Variants in OGA observed in about 807,000 individuals in gnomAD.
OGA encodes the protein O-GlcNAcase, also known as protein O-GlcNAcase.
A neutral mutation model predicts 102.0 loss-of-function variants in OGA; 21 were observed. The ratio of observed to expected loss-of-function variants is 0.21; its 90% CI spans 0.15 to 0.30. OGA has a LOEUF of 0.30. Ranked by LOEUF, OGA falls within the 10% of genes least tolerant of loss-of-function variation. The pLI is 1.00. For synonymous variants in OGA, 408 were observed against 378.2 expected (o/e 1.08, Z -0.91); for missense variants, 765 against 1,107.8 (o/e 0.69, Z 4.39).
At chr10:101,810,053 AAAAC>A (rs1288799241) in intron 4 of OGA, 127 bp downstream of exon 4, 97 of 1,029,998 alleles carry the variant, frequency 9.4e-5, no homozygotes, top group South Asian at 4.6e-4. Flanking sequence ...CTCAAAAAAC[AAAAC>A]AAACAAACAA....
In OGA at chr10:101,817,995, A is replaced by G; in HGVS notation, c.28T>C (p.Leu10=). 6.2e-7 allele frequency: 1 copy of G among 1,603,302 alleles called. No homozygotes were observed. Among genetic ancestry groups the G allele is most frequent in the Non-Finnish European group, 8.5e-7 (1 of 1,172,652 alleles). Residue 10 remains leucine, a synonymous_variant, in exon 1 of 16, where the codon TTG becomes CTG. Transcript: ENST00000361464. The stretch of plus-strand genomic sequence containing the variant: ...CTGAGCTCGCTCTCCCGCTCCTCCA[A>G]CGTCGCTTGACTCTCCTTCTGCACC... MVQKESQAT[L]EERESELSSN...
In OGA at chr10:101,800,143, G is replaced by C. The variant is rs933711004; in HGVS notation, c.1195+99C>G. ...CTGCCTCGGCCTCCCAAAGTGCTGA[G>C]ATTACAGGTGTGAGCCACCACACCC... On this transcript the variant is annotated intron_variant, in intron 8 of 15. Transcript: ENST00000361464. The C allele has an allele frequency of 1.3e-5, 17 of 1,348,876 alleles. No individual in the cohort carries two copies. The Admixed American group carries it at 2.0e-4, about 16-fold the overall frequency. The allele number at this position is 1,348,876 out of a possible 1,614,324, so 83.6% of individuals were successfully genotyped here.
chr10:101,800,564 T>C (rs2305192), intron 7 of OGA, among the ~76,000 whole-genome samples, 164 bp from the exon 8 acceptor site: 43,845 of 152,008 alleles, frequency 0.29, 6,775 homozygotes, highest in Non-Finnish European at 0.35. Context: ...AGCAAGACCC[T>C]TCACCAAACC....
intron 4 of OGA, among the ~76,000 whole-genome samples, chr10:101,809,150 G>A (rs959572920): frequency 8.5e-5 from 13 of 152,076 alleles, no homozygotes; most frequent in African/African-American, 3.1e-4. Context: ...TGTCTAATAG[G>A]TAAAACCCTG....
intron 10 of OGA, among the ~76,000 whole-genome samples, chr10:101,794,351 T>C (rs1337401298): frequency 6.6e-6 from 1 of 152,194 alleles, no homozygotes; most frequent in African/African-American, 2.4e-5. Context: ...TTAACTAAAA[T>C]GACTGATAAT....
At chr10:101,807,940 AT>A in intron 4 of OGA, 39 bp from the exon 5 acceptor site, 1 of 1,442,094 alleles carries the variant, frequency 6.9e-7, no homozygotes, top group Non-Finnish European at 9.2e-7. Flanking sequence ...GAGTAAAAAA[AT>A]TAAGAATTCC....
chr10:101,813,496 CA>C lies in OGA; in HGVS notation c.251+58del, dbSNP rs1554839273. ...TATTCACTGTTAGTATTTCTTCAAA[CA>C]AAAGAAAATGTTAAGAGTTTAAGGT... On this transcript the variant is annotated intron_variant, in intron 2 of 15. Transcript: ENST00000361464. The C allele has an allele frequency of 3.6e-6, 4 of 1,120,230 alleles. No individual in the cohort carries two copies. The Admixed American group carries it at 7.4e-5, about 21-fold the overall frequency. The allele number at this position is 1,120,230 out of a possible 1,614,324, so 69.4% of individuals were successfully genotyped here.
Position 101,786,329 on chromosome 10 carries a change from T to G in OGA, c.*122A>C. The G allele has an allele frequency of 3.8e-6, 4 of 1,060,878 alleles. No homozygotes were observed. The highest frequency in any genetic ancestry group is 4.9e-5 in the South Asian group (2 of 40,560). The allele number at this position is 1,060,878 out of a possible 1,614,324, so 65.7% of individuals were successfully genotyped here. A position where few individuals can be genotyped will look rare whatever the true frequency, so the allele number is the denominator to read the frequency against. On this transcript the variant is annotated 3_prime_UTR_variant, in exon 16 of 16. Coordinates refer to ENST00000361464, the MANE Select transcript of OGA (RefSeq NM_012215.5). ...ATGGGTGAGTTTTACATAGTCTTCTTTGTTTCGAATCCAATTGGCTGATTT... is the reference window on the plus strand; with the variant it reads ...ATGGGTGAGTTTTACATAGTCTTCTGTGTTTCGAATCCAATTGGCTGATTT...
intron 7 of OGA, among the ~76,000 whole-genome samples, chr10:101,801,641 G>A (rs892691683): frequency 2.6e-5 from 4 of 152,112 alleles, no homozygotes; most frequent in Non-Finnish European, 5.9e-5. Flanking sequence ...TGCCATGTAC[G>A]CTGACAGCAT....
At chr10:101,809,209 A>G (rs1317357943) in intron 4 of OGA, among the ~76,000 whole-genome samples, 1 of 152,182 alleles carries the variant, frequency 6.6e-6, no homozygotes. Flanking sequence ...TAGGGTATAT[A>G]TAATTTCTCA....
rs993451622 is a variant in OGA, at chr10:101,817,979, C to A, written c.44G>T (p.Ser15Ile). The A allele has an allele frequency of 6.2e-7, 1 of 1,604,502 alleles. No homozygotes were observed. Among genetic ancestry groups the A allele is most frequent in the Non-Finnish European group, 8.5e-7 (1 of 1,174,066 alleles). ...ESQATLEERE[S>I]ELSSNPAASA... is the part of the protein sequence containing the mutation. ...GGCGGCAGGGTTGGAGCTGAGCTCG[C>A]TCTCCCGCTCCTCCAACGTCGCTTG... Residue 15 changes from serine to isoleucine, a missense_variant, in exon 1 of 16, where the codon AGC becomes ATC. Coordinates refer to ENST00000361464, the MANE Select transcript of OGA (RefSeq NM_012215.5).
rs537230809 is a variant in OGA at position 101,817,766 on chromosome 10, C to G, written c.199+58G>C. 2.0e-6 allele frequency: 3 copies of G among 1,517,608 alleles called. No homozygotes were observed. In the African/African-American group the frequency reaches 4.1e-5, roughly 21 times the overall value. 94.0% of individuals were successfully genotyped at this position (1,517,608 alleles called of 1,614,324 possible). On this transcript the variant is annotated intron_variant, in intron 1 of 15. Transcript: ENST00000361464. Reference sequence around the variant, plus strand: ...AGTCTCCAAAATCCCCGCCACCACCCTCCTCCCGAGGACAGAACGTGTTAG... The same window carrying G: ...AGTCTCCAAAATCCCCGCCACCACCGTCCTCCCGAGGACAGAACGTGTTAG...
At chr10:101,813,666 G>T in intron 1 of OGA, 60 bp from the exon 2 acceptor site, 1 of 1,052,888 alleles carries the variant, frequency 9.5e-7, no homozygotes, top group South Asian at 1.4e-5. Flanking sequence ...GCTTTATTGA[G>T]AAAAGCAAGT....
rs1015905667 is a variant in OGA at position 101,807,743 on chromosome 10, G to A, written c.639C>T (p.Leu213=). 3 of 1,597,966 alleles carry A rather than the reference G, an allele frequency of 1.9e-6. No homozygotes were observed. The highest frequency in any genetic ancestry group is 3.6e-5 in the Admixed American group (2 of 55,880). Residue 213 remains leucine, a synonymous_variant, in exon 5 of 16, where the codon CTC becomes CTT. Transcript: ENST00000361464. ...TATATACAATACCTGTGGGACAGAA[G>A]AGGAAAGTTTCTGGCTCTCCTAGGT... The part of the protein sequence containing the change: ...YQYLGEPETF[L]FCPTEYCGTF...
At chr10:101,815,614 A>C (rs1490911203) in intron 1 of OGA, among the ~76,000 whole-genome samples, 1 of 152,146 alleles carries the variant, frequency 6.6e-6, no homozygotes, top group Non-Finnish European at 1.5e-5. Context: ...AGGCAGACCT[A>C]TACAAGTCTT....
Position 101,784,741 on chromosome 10 carries a change from A to G in OGA, c.*1710T>C, listed in dbSNP as rs2065175359. ...CATGAGGTTAACTCTGAAATCCTCC[A>G]AACAAAATGCTAGAATTGTCCACTA... On this transcript the variant is annotated 3_prime_UTR_variant, in exon 16 of 16. Transcript: ENST00000361464. 1 of 152,228 alleles carries G rather than the reference A, an allele frequency of 6.6e-6. No homozygotes were observed. The highest frequency in any genetic ancestry group is 1.5e-5 in the Non-Finnish European group (1 of 68,042). The allele number at this position is 152,228 out of a possible 1,614,324, so 9.4% of individuals were successfully genotyped here. A position where few individuals can be genotyped will look rare whatever the true frequency, so the allele number is the denominator to read the frequency against.
rs1589846136 is a variant in OGA, at chr10:101,818,026, C to T, written c.-4G>A. On this transcript the variant is annotated 5_prime_UTR_variant, in exon 1 of 16. Coordinates refer to ENST00000361464, the MANE Select transcript of OGA (RefSeq NM_012215.5). ...CTTGACTCTCCTTCTGCACCATCCT[C>T]CTGCCCCCGGCCGCTGCCACCTCTG... is the stretch of plus-strand genomic sequence containing the variant. 1 of 1,573,336 alleles carries T rather than the reference C, an allele frequency of 6.4e-7. No individual in the cohort carries two copies. The highest frequency in any genetic ancestry group is 2.3e-5 in the East Asian group (1 of 43,248).
intron 14 of OGA, among the ~76,000 whole-genome samples, chr10:101,788,254 A>G (rs2065214957): frequency 6.6e-6 from 1 of 151,578 alleles, no homozygotes; most frequent in African/African-American, 2.4e-5. Context: ...CCTGGGCAAC[A>G]AAGTAAAACC....
intron 6 of OGA, among the ~76,000 whole-genome samples, chr10:101,805,242 G>A (rs1476722921): frequency 1.3e-5 from 2 of 152,086 alleles, no homozygotes; most frequent in East Asian, 1.9e-4. Context: ...TGTTGTCTAA[G>A]CTGGTCTTGA....
Sources: gnomAD v4.1 joint callset for allele counts (sites outside exome capture counted in the v4.1 genomes callset) on GRCh38, gnomAD v4.1.1 for gene constraint, MANE v1.5 for transcripts, NCBI Gene and HGNC (gene_info 2026-07-23, HGNC 2026-07-21) for gene names.